JAG1: variants seen among roughly 807,000 people sequenced by gnomAD.
JAG1 encodes the protein jagged canonical Notch ligand 1.
In JAG1, 23 loss-of-function variants were observed where a neutral mutation model predicts 148.7. The ratio of observed to expected loss-of-function variants is 0.15; its 90% CI spans 0.11 to 0.22. The LOEUF is 0.22. Ranked by LOEUF, JAG1 falls within the 10% of genes least tolerant of loss-of-function variation. The pLI is 1.00. For missense variants in JAG1, 1,054 were observed against 1,611.2 expected, an observed-to-expected ratio of 0.65 and a Z score of 5.92; for synonymous variants, 572 against 598.3, an observed-to-expected ratio of 0.96 and a Z score of 0.64.
intron 11 of JAG1, 138 bp downstream of exon 11, chr20:10,648,923 C>A: frequency 2.2e-6 from 2 of 898,388 alleles, no homozygotes; most frequent in Admixed American, 2.0e-5. Context: ...GTAACATAAG[C>A]CCTAGCGAAA....
chr20:10,646,488 C>A (rs1317648551), intron 14 of JAG1: 22 of 359,480 alleles, frequency 6.1e-5, no homozygotes, highest in Non-Finnish European at 1.1e-4. Context: ...GTCTCCCCAG[C>A]CTTACTGTTT....
At chr20:10,658,019 G>A (rs779191383) in intron 4 of JAG1, among the ~76,000 whole-genome samples, 6 of 152,174 alleles carry the variant, frequency 3.9e-5, no homozygotes, top group Non-Finnish European at 8.8e-5. Context: ...GGAAGCAGAT[G>A]GGGTAGGGGA....
chr20:10,638,912 TAC>T lies in JAG1; in HGVS notation c.*584_*585del, dbSNP rs1211712420. On this transcript the variant is annotated 3_prime_UTR_variant, in exon 26 of 26. Transcript: ENST00000254958. ...TAAAAAAGAATTATTTACATAACTA[TAC>T]AAAGTTCTACTTTTGACATTTTTTT... is the stretch of plus-strand genomic sequence containing the variant. The T allele has an allele frequency of 1.3e-5, 2 of 155,524 alleles. No individual in the cohort carries two copies. Among genetic ancestry groups the T allele is most frequent in the Admixed American group, 6.2e-5 (1 of 16,018 alleles). The allele number at this position is 155,524 out of a possible 1,614,324, so 9.6% of individuals were successfully genotyped here. A position where few individuals can be genotyped will look rare whatever the true frequency, so the allele number is the denominator to read the frequency against.
At chr20:10,648,864 A>G (rs1310317526) in intron 11 of JAG1, 142 bp from the exon 12 acceptor site, 1 of 971,712 alleles carries the variant, frequency 1.0e-6, no homozygotes, top group East Asian at 2.6e-5. Flanking sequence ...GAAAGTGGTT[A>G]GAGGAATTTC....
At chr20:10,664,327 T>C (rs1320905055) in intron 2 of JAG1, among the ~76,000 whole-genome samples, 1 of 151,248 alleles carries the variant, frequency 6.6e-6, no homozygotes, top group Non-Finnish European at 1.5e-5. Context: ...GTATTTAGCA[T>C]ATAGTTTCCC....
Position 10,650,366 on chromosome 20 carries a change from C to T in JAG1, c.1121-6G>A, listed in dbSNP as rs778452139. The T allele has an allele frequency of 6.5e-7, 1 of 1,538,358 alleles. No individual in the cohort carries two copies. Among genetic ancestry groups the T allele is most frequent in the Non-Finnish European group, 9.0e-7 (1 of 1,111,684 alleles). On this transcript the variant is annotated splice_region_variant and splice_polypyrimidine_tract_variant and intron_variant, in intron 8 of 25. Transcript: ENST00000254958. Reference sequence around the variant, plus strand: ...AGGAGAACAGTCATCAATGTCTGGTCAACAAGAAAAGGAGGGGGTTGACAA... The same window carrying T: ...AGGAGAACAGTCATCAATGTCTGGTTAACAAGAAAAGGAGGGGGTTGACAA...
intron 3 of JAG1, among the ~76,000 whole-genome samples, chr20:10,659,416 T>C (rs2067399815): frequency 6.6e-6 from 1 of 152,256 alleles, no homozygotes; most frequent in Non-Finnish European, 1.5e-5. Context: ...TAGCTCCCTA[T>C]GGAATGTTGC....
At chr20:10,652,304 A>G (rs2067352534) in intron 6 of JAG1, 54 bp from the exon 7 acceptor site, 1 of 1,610,202 alleles carries the variant, frequency 6.2e-7, no homozygotes, top group Admixed American at 1.7e-5. Context: ...TGGCGAACCC[A>G]CCATGTTTCT....
intron 3 of JAG1, among the ~76,000 whole-genome samples, chr20:10,659,332 GCTTCT>G (rs2067398891): frequency 6.6e-6 from 1 of 152,350 alleles, no homozygotes; most frequent in African/African-American, 2.4e-5. Context: ...AACAGCAACA[GCTTCT>G]CTTCTCTGCC....
At position 10,664,005 on chromosome 20, in the gene JAG1, T is replaced by C. The variant is rs775014895; in HGVS notation, c.397A>G (p.Thr133Ala). 5 of 1,613,754 alleles carry C rather than the reference T, an allele frequency of 3.1e-6. 1 individual carries two copies. The South Asian group carries it at 5.5e-5, about 18-fold the overall frequency. Reference sequence around the variant, plus strand: ...GAATCCCACGCCTCCACAAGCAACGTATAGGACCTCTGCAAGACAAACAAA... The same window carrying C: ...GAATCCCACGCCTCCACAAGCAACGCATAGGACCTCTGCAAGACAAACAAA... ...PFSFAWPRSY[T>A]LLVEAWDSSN... Residue 133 changes from threonine to alanine, a missense_variant, in exon 3 of 26, where the codon ACG (threonine) becomes GCG (alanine). Coordinates refer to ENST00000254958, the MANE Select transcript of JAG1 (RefSeq NM_000214.3).
rs2067394659 is a variant in JAG1 at position 10,658,730 on chromosome 20, C to A, written c.440-8G>T. On this transcript the variant is annotated splice_region_variant and splice_polypyrimidine_tract_variant and intron_variant, in intron 3 of 25. Transcript: ENST00000254958. ...CAATAATACTGTCAGGTTCTAGAGA[C>A]AAAGTGATGAATCATGTTAATATTC... 1.9e-6 allele frequency: 3 copies of A among 1,614,010 alleles called. No homozygotes were observed. The highest frequency in any genetic ancestry group is 2.7e-5 in the African/African-American group (2 of 74,928).
At chr20:10,649,200 T>G in intron 10 of JAG1, 93 bp from the exon 11 acceptor site, 2 of 868,810 alleles carry the variant, frequency 2.3e-6, no homozygotes, top group Non-Finnish European at 3.8e-6. Flanking sequence ...TAGATAAGTT[T>G]CAAATCAGAT....
At chr20:10,672,034 C>T (rs1339719353) in intron 2 of JAG1, among the ~76,000 whole-genome samples, 5 of 151,900 alleles carry the variant, frequency 3.3e-5, no homozygotes, top group African/African-American at 1.2e-4. Flanking sequence ...ACAAGAGCTA[C>T]ACCACTCGGG....
In JAG1 at chr20:10,641,514, G is replaced by A; in HGVS notation, c.2862C>T (p.Tyr954=). ...VKTKCTSDSY[Y]QDNCANITFT... ...ATGTGATGTTCGCACAGTTATCCTGGTAATAGGAGTCAGAGGTGCACTTTG... is the reference window on the plus strand; with the variant it reads ...ATGTGATGTTCGCACAGTTATCCTGATAATAGGAGTCAGAGGTGCACTTTG... Residue 954 remains tyrosine (Y), a synonymous_variant, in exon 23 of 26, where the codon TAC becomes TAT. Transcript: ENST00000254958. 1 of 1,614,202 alleles carries A rather than the reference G, an allele frequency of 6.2e-7. No individual in the cohort carries two copies. Among genetic ancestry groups the A allele is most frequent in the Non-Finnish European group, 8.5e-7 (1 of 1,180,046 alleles).
chr20:10,638,301 A>T lies in JAG1; in HGVS notation c.*1197T>A, dbSNP rs1166862067. ...CTAAATGCAGTAGATTAAAAAAAAA[A>T]ATCAAATCTACAAGTGGTTCAGTAT... On this transcript the variant is annotated 3_prime_UTR_variant, in exon 26 of 26. Transcript: ENST00000254958. The T allele has an allele frequency of 6.6e-6, 1 of 152,594 alleles. No homozygotes were observed. Among genetic ancestry groups the T allele is most frequent in the East Asian group, 1.9e-4 (1 of 5,158 alleles). 9.5% of individuals were successfully genotyped at this position (152,594 alleles called of 1,614,324 possible). A position where few individuals can be genotyped will look rare whatever the true frequency, so the allele number is the denominator to read the frequency against.
At chr20:10,655,509 AC>A (rs2067372748) in intron 5 of JAG1, among the ~76,000 whole-genome samples, 1 of 152,124 alleles carries the variant, frequency 6.6e-6, no homozygotes, top group African/African-American at 2.4e-5. Flanking sequence ...TAGAATCAGG[AC>A]CTGCGTTTTA....
chr20:10,648,171 T>C (rs1333924185), intron 12 of JAG1, 61 bp from the exon 13 acceptor site: 1 of 1,598,992 alleles, frequency 6.3e-7, no homozygotes, highest in Non-Finnish European at 8.6e-7. Context: ...GGTGTCACGA[T>C]AACTTCTCTG....
At chr20:10,646,863 G>T in intron 14 of JAG1, 76 bp downstream of exon 14, 1 of 1,409,044 alleles carries the variant, frequency 7.1e-7, no homozygotes, top group Non-Finnish European at 1.0e-6. Context: ...AATGATCCCA[G>T]GGTGGGCCAG....
At chr20:10,659,257 A>T (rs1474781926) in intron 3 of JAG1, among the ~76,000 whole-genome samples, 1 of 152,264 alleles carries the variant, frequency 6.6e-6, no homozygotes, top group Non-Finnish European at 1.5e-5. Flanking sequence ...TTTAATTAGC[A>T]TTTAACTAAG....
Sources: allele counts gnomAD v4.1 joint callset (sites outside exome capture counted in the v4.1 genomes callset), GRCh38; gene constraint gnomAD v4.1.1; transcripts MANE v1.5; gene names NCBI Gene and HGNC (gene_info 2026-07-23, HGNC 2026-07-21).